SLC25A26: variants seen among roughly 807,000 people sequenced by gnomAD.
The protein encoded by SLC25A26 is solute carrier family 25 member 26.
In SLC25A26, 36 loss-of-function variants were observed where a neutral mutation model predicts 37.8. That is an observed-to-expected ratio of 0.95 (90% CI 0.73 to 1.26). SLC25A26 has a LOEUF of 1.26. Among genes scored for constraint, SLC25A26 ranks in the 50% most tolerant of loss-of-function variants. The pLI, the probability that SLC25A26 is intolerant of heterozygous loss-of-function variation, is 0.00. For synonymous variants in SLC25A26, 129 were observed against 122.5 expected, an observed-to-expected ratio of 1.05 and a Z score of -0.35; for missense variants, 390 against 331.1, an observed-to-expected ratio of 1.18 and a Z score of -1.38.
intron 1 of SLC25A26, among the ~76,000 whole-genome samples, chr3:66,190,461 C>T (rs1319782486): frequency 2.0e-5 from 3 of 152,178 alleles, no homozygotes; most frequent in Non-Finnish European, 2.9e-5. Context: ...TGGAGTATCA[C>T]TCCGTCACCC....
chr3:66,361,266 A>T (rs972707278), intron 6 of SLC25A26, among the ~76,000 whole-genome samples: 2 of 152,252 alleles, frequency 1.3e-5, no homozygotes, highest in African/African-American at 4.8e-5. Flanking sequence ...GATAGATACA[A>T]ATGTAAAACC....
At chr3:66,276,432 T>G (rs890053541) in intron 5 of SLC25A26, among the ~76,000 whole-genome samples, 7 of 152,102 alleles carry the variant, frequency 4.6e-5, no homozygotes, top group African/African-American at 1.7e-4. Flanking sequence ...CTACAAGACT[T>G]GAACCAAATC....
intron 5 of SLC25A26, among the ~76,000 whole-genome samples, chr3:66,312,432 A>G (rs13082660): frequency 0.56 from 84,525 of 151,670 alleles, 24,451 homozygotes; most frequent in East Asian, 0.78. Context: ...GTGGGGGTGG[A>G]GCCTACTGGG....
intron 1 of SLC25A26, among the ~76,000 whole-genome samples, chr3:66,198,082 G>A (rs901665861): frequency 1.4e-4 from 22 of 152,280 alleles, no homozygotes; most frequent in African/African-American, 3.4e-4. Flanking sequence ...GCATCATGGT[G>A]AAGGTCAGAG....
intron 2 of SLC25A26, among the ~76,000 whole-genome samples, chr3:66,239,330 C>G (rs2072456995): frequency 6.6e-6 from 1 of 151,220 alleles, no homozygotes; most frequent in African/African-American, 2.4e-5. Flanking sequence ...GTCATGAATA[C>G]TGTGAAGGAT....
chr3:66,226,799 GAA>G (rs201377117), intron 1 of SLC25A26, among the ~76,000 whole-genome samples: 1,585 of 149,450 alleles, frequency 0.011, 12 homozygotes, highest in Non-Finnish European at 0.016. Context: ...TTTTTTTGTA[GAA>G]AGAGGTGTCA....
intron 5 of SLC25A26, chr3:66,304,579 G>A: frequency 1.6e-5 from 7 of 432,870 alleles, no homozygotes; most frequent in South Asian, 1.2e-4. Flanking sequence ...CATGCTAACT[G>A]GGATATACGC....
intron 6 of SLC25A26, among the ~76,000 whole-genome samples, chr3:66,360,863 A>C (rs2076690611): frequency 6.6e-6 from 1 of 152,252 alleles, no homozygotes; most frequent in African/African-American, 2.4e-5. Context: ...CCTCCCAATC[A>C]CAGTCTTAGC....
At chr3:66,263,527 T>G in intron 5 of SLC25A26, 148 bp downstream of exon 5, 1 of 628,400 alleles carries the variant, frequency 1.6e-6, no homozygotes. Flanking sequence ...TCTGTTAAAT[T>G]TTCTGAGTTT....
intron 5 of SLC25A26, among the ~76,000 whole-genome samples, chr3:66,343,205 T>A (rs1165712057): frequency 6.6e-6 from 1 of 152,236 alleles, no homozygotes; most frequent in East Asian, 1.9e-4. Context: ...TGGAGCTGTA[T>A]TTGCTGGCAG....
intron 1 of SLC25A26, among the ~76,000 whole-genome samples, chr3:66,141,206 C>T (rs373811966): frequency 2.6e-5 from 4 of 151,122 alleles, no homozygotes; most frequent in Admixed American, 6.7e-5. Flanking sequence ...GAAGGGCACA[C>T]GAGATCTCTC....
chr3:66,205,817 G>A (rs2071169258), intron 1 of SLC25A26, among the ~76,000 whole-genome samples: 1 of 152,144 alleles, frequency 6.6e-6, no homozygotes, highest in East Asian at 1.9e-4. Flanking sequence ...TGTTCATAGG[G>A]CATCTGTCTT....
chr3:66,276,956 T>TGA (rs1553682169), intron 5 of SLC25A26, among the ~76,000 whole-genome samples: 3 of 107,766 alleles, frequency 2.8e-5, no homozygotes, highest in Admixed American at 9.1e-5. Context: ...TGGCACTGTT[T>TGA]GAAAAAAAAA....
At chr3:66,194,614 CTT>C (rs2071009225) in intron 1 of SLC25A26, among the ~76,000 whole-genome samples, 1 of 152,190 alleles carries the variant, frequency 6.6e-6, no homozygotes, top group East Asian at 1.9e-4. Flanking sequence ...GATGAAAACT[CTT>C]TTTTTGAGAC....
Position 66,346,417 on chromosome 3 carries a change from C to A in SLC25A26, c.498+9C>A. On this transcript the variant is annotated intron_variant, in intron 6 of 9. Coordinates refer to ENST00000354883, the MANE Select transcript of SLC25A26 (RefSeq NM_001379210.1). Reference sequence around the variant, plus strand: ...TATGGGAGTCCTTAAAAGTAAGTTTCTCAGTCTTCACATAAAATTTGTCTC... The same window carrying A: ...TATGGGAGTCCTTAAAAGTAAGTTTATCAGTCTTCACATAAAATTTGTCTC... 2 of 1,433,034 alleles carry A rather than the reference C, an allele frequency of 1.4e-6. No individual in the cohort carries two copies. The highest frequency in any genetic ancestry group is 9.4e-7 in the Non-Finnish European group (1 of 1,068,106). The allele number at this position is 1,433,034 out of a possible 1,614,324, so 88.8% of individuals were successfully genotyped here.
At chr3:66,219,704 G>A (rs1477652042), upstream of SLC25A26, among the ~76,000 whole-genome samples, 2 of 152,206 alleles carry the variant, frequency 1.3e-5, no homozygotes, top group African/African-American at 4.8e-5. Flanking sequence ...ATGCTAGGGA[G>A]CTGGACTGTC....
At chr3:66,240,549 T>A (rs2072524933) in intron 2 of SLC25A26, among the ~76,000 whole-genome samples, 1 of 151,810 alleles carries the variant, frequency 6.6e-6, no homozygotes, top group Non-Finnish European at 1.5e-5. Flanking sequence ...AGTGCTGGGA[T>A]TACTGATGTG....
intron 5 of SLC25A26, among the ~76,000 whole-genome samples, chr3:66,317,381 G>A (rs1364220962): frequency 3.9e-5 from 6 of 152,116 alleles, no homozygotes; most frequent in African/African-American, 1.4e-4. Context: ...CTACTGCAGT[G>A]TGCTGGGGGT....
chr3:66,257,669 G>T (rs563799596), intron 3 of SLC25A26, among the ~76,000 whole-genome samples: 3 of 152,162 alleles, frequency 2.0e-5, no homozygotes, highest in African/African-American at 7.2e-5. Context: ...TTCTCTTGCT[G>T]ATAGCACTTT....
Sources: gnomAD v4.1 joint callset for allele counts (sites outside exome capture counted in the v4.1 genomes callset) on GRCh38, gnomAD v4.1.1 for gene constraint, MANE v1.5 for transcripts, NCBI Gene and HGNC (gene_info 2026-07-23, HGNC 2026-07-21) for gene names.